KCNH7: variants seen among roughly 807,000 people sequenced by gnomAD.
KCNH7 encodes potassium voltage-gated channel subfamily H member 7, also known as voltage-gated inwardly rectifying potassium channel KCNH7.
Under a neutral mutation model 120.8 loss-of-function variants are expected in KCNH7, and 49 were observed. The observed-to-expected ratio is 0.41, with a 90% CI of 0.32 to 0.51. The LOEUF is 0.51. KCNH7 is among the 20% of genes least tolerant of loss of function. KCNH7 has a pLI of 0.38. For synonymous variants in KCNH7, 547 were observed against 516.1 expected (o/e 1.06, Z -0.81); for missense variants, 1,097 against 1,446.6 (o/e 0.76, Z 3.92).
intron 2 of KCNH7, among the ~76,000 whole-genome samples, chr2:162,742,939 G>A (rs539167815): frequency 6.6e-6 from 1 of 152,142 alleles, no homozygotes; most frequent in African/African-American, 2.4e-5. Context: ...AATACATTCA[G>A]GTTTTAGGTA....
rs528446953 is a variant in KCNH7 at position 162,518,595 on chromosome 2, T to C, written c.464-437A>G. 9.2e-5 allele frequency among the ~76,000 whole-genome samples: 14 copies of C among 151,842 alleles called. No individual in the cohort carries two copies. In the South Asian group the frequency reaches 2.7e-3, roughly 29 times the overall value. ...ATGTATGGGTGATGGGGAGCTAATG[T>C]GTTGGAACAGGCAGGAAGGAAGTGA... On this transcript the variant is annotated intron_variant, in intron 3 of 15. Transcript: ENST00000332142.
chr2:162,619,005 A>G (rs1683244498), intron 2 of KCNH7, among the ~76,000 whole-genome samples: 1 of 152,160 alleles, frequency 6.6e-6, no homozygotes, highest in Non-Finnish European at 1.5e-5. Context: ...CTCAGAGACA[A>G]AGAGGTGAAG....
chr2:162,500,257 TG>T (rs1197184711), intron 6 of KCNH7, among the ~76,000 whole-genome samples: 19 of 144,922 alleles, frequency 1.3e-4, no homozygotes, highest in African/African-American at 4.9e-4. Context: ...ATACTATGTA[TG>T]TATGTATTAT....
intron 3 of KCNH7, 67 bp downstream of exon 3, chr2:162,536,858 A>C: frequency 7.8e-7 from 1 of 1,281,154 alleles, no homozygotes; most frequent in South Asian, 1.5e-5. Context: ...TGAAATGAAG[A>C]CTGTATTAAA....
intron 2 of KCNH7, among the ~76,000 whole-genome samples, chr2:162,579,532 T>C (rs532469562): frequency 1.3e-5 from 2 of 152,032 alleles, no homozygotes; most frequent in Non-Finnish European, 2.9e-5. Context: ...ACCTCCCTAG[T>C]GTTTGACATA....
intron 2 of KCNH7, among the ~76,000 whole-genome samples, chr2:162,615,050 T>C (rs781705329): frequency 2.0e-5 from 3 of 152,206 alleles, no homozygotes; most frequent in Admixed American, 6.5e-5. Context: ...CTAACATACT[T>C]GAAGAATTTG....
chr2:162,423,817 G>A lies in KCNH7; in HGVS notation c.1955-282C>T, dbSNP rs903698537. ...TGTGGCTGGGAGCACTGACTAGGGA[G>A]AAAATGCATTTGAAATAAACCCTTT... On this transcript the variant is annotated intron_variant, in intron 8 of 15. Coordinates refer to ENST00000332142, the MANE Select transcript of KCNH7 (RefSeq NM_033272.4). Among the ~76,000 whole-genome samples the A allele has an allele frequency of 6.6e-5, 10 of 152,186 alleles. No homozygotes were observed. In the South Asian group the frequency reaches 2.1e-3, roughly 32 times the overall value.
chr2:162,590,432 T>C (rs1250048539), intron 2 of KCNH7, among the ~76,000 whole-genome samples: 1 of 152,064 alleles, frequency 6.6e-6, no homozygotes, highest in African/African-American at 2.4e-5. Flanking sequence ...ATTTTAGCTC[T>C]AACAAAGGAA....
chr2:162,596,579 T>C (rs1694388033), intron 2 of KCNH7, among the ~76,000 whole-genome samples: 2 of 152,054 alleles, frequency 1.3e-5, no homozygotes, highest in South Asian at 2.1e-4. Context: ...GCCTTAAGTG[T>C]AAGGCCAGAA....
intron 2 of KCNH7, chr2:162,796,775 G>A (rs1002292566): frequency 2.0e-5 from 3 of 151,900 alleles, no homozygotes; most frequent in Non-Finnish European, 2.9e-5. Context: ...CAATAAAATA[G>A]GTGGCATTCA....
chr2:162,420,972 G>A (rs1687687225), intron 9 of KCNH7, among the ~76,000 whole-genome samples: 1 of 151,950 alleles, frequency 6.6e-6, no homozygotes, highest in Non-Finnish European at 1.5e-5. Context: ...ATAGTCTAAG[G>A]CTACAGTTGC....
At chr2:162,591,172 A>G (rs1694204139) in intron 2 of KCNH7, among the ~76,000 whole-genome samples, 1 of 152,100 alleles carries the variant, frequency 6.6e-6, no homozygotes, top group South Asian at 2.1e-4. Context: ...ACCTTTCTCA[A>G]CAAGATTATC....
chr2:162,519,228 G>T (rs1438734246), intron 3 of KCNH7, among the ~76,000 whole-genome samples: 1 of 151,562 alleles, frequency 6.6e-6, no homozygotes, highest in Non-Finnish European at 1.5e-5. Flanking sequence ...TCCACATATG[G>T]GATATTGCAA....
chr2:162,464,355 T>C lies in KCNH7; in HGVS notation c.1129-17912A>G, dbSNP rs149418971. ...TTTTTTTAGCTTTGACATTTTTAGA[T>C]AAAAACTACAAGGACTTTTTATGTC... On this transcript the variant is annotated intron_variant, in intron 6 of 15. Transcript: ENST00000332142. Among the ~76,000 whole-genome samples, 13 of 152,058 alleles carry C rather than the reference T, an allele frequency of 8.5e-5. No individual in the cohort carries two copies. The East Asian group carries it at 2.3e-3, about 27-fold the overall frequency.
intron 6 of KCNH7, among the ~76,000 whole-genome samples, chr2:162,460,393 T>A (rs1689106142): frequency 6.6e-6 from 1 of 152,184 alleles, no homozygotes; most frequent in Non-Finnish European, 1.5e-5. Flanking sequence ...TGAGGATGGA[T>A]GACACTTACT....
At chr2:162,750,583 G>A (rs903685001) in intron 2 of KCNH7, among the ~76,000 whole-genome samples, 13 of 151,994 alleles carry the variant, frequency 8.6e-5, no homozygotes, top group African/African-American at 3.1e-4. Flanking sequence ...TTTAATTAAT[G>A]AACTTACATG....
chr2:162,432,151 C>T (rs1439582413), intron 8 of KCNH7, among the ~76,000 whole-genome samples: 1 of 151,834 alleles, frequency 6.6e-6, no homozygotes, highest in Non-Finnish European at 1.5e-5. Context: ...ATACCTATGC[C>T]ACTAAAGCAG....
intron 2 of KCNH7, among the ~76,000 whole-genome samples, chr2:162,817,963 T>C (rs1316845080): frequency 2.0e-5 from 3 of 152,118 alleles, no homozygotes; most frequent in Admixed American, 6.5e-5. Context: ...TACATACCTG[T>C]AGAAAACAAT....
At chr2:162,805,604 G>A (rs974818526) in intron 2 of KCNH7, among the ~76,000 whole-genome samples, 9 of 152,160 alleles carry the variant, frequency 5.9e-5, no homozygotes, top group Admixed American at 3.9e-4. Flanking sequence ...TGTAGATATG[G>A]TAAAAGGAGA....
Sources: gnomAD v4.1 joint callset for allele counts (sites outside exome capture counted in the v4.1 genomes callset) on GRCh38, gnomAD v4.1.1 for gene constraint, MANE v1.5 for transcripts, NCBI Gene and HGNC (gene_info 2026-07-23, HGNC 2026-07-21) for gene names.